TENM2: variants seen among roughly 807,000 people sequenced by gnomAD.
TENM2 encodes the protein teneurin transmembrane protein 2.
TENM2 carries 52 observed loss-of-function variants against 245.2 expected under a neutral mutation model. That is an observed-to-expected ratio of 0.21 (90% CI 0.17 to 0.27). The LOEUF (loss-of-function observed/expected upper bound fraction) is 0.27, where lower values mean the gene tolerates loss of function less well. Ranked by LOEUF, TENM2 falls within the 10% of genes least tolerant of loss-of-function variation. The pLI is 1.00. For synonymous variants in TENM2, 1,363 were observed against 1,438.9 expected (o/e 0.95, Z 1.19); for missense variants, 3,046 against 3,666.8 (o/e 0.83, Z 4.37).
In TENM2 at chr5:167,607,021, C is replaced by T. The variant is rs186938572; in HGVS notation, c.502+231548C>T. On this transcript the variant is annotated intron_variant, in intron 2 of 28. Coordinates refer to ENST00000518659, the Ensembl canonical transcript of TENM2. ...TGCTCTCCTGAATATATCAGGAAGGCAATCCAGCAAGAGGGCATAGCTTAA... is the reference window on the plus strand; with the variant it reads ...TGCTCTCCTGAATATATCAGGAAGGTAATCCAGCAAGAGGGCATAGCTTAA... Among the ~76,000 whole-genome samples the T allele has an allele frequency of 8.7e-4, 132 of 152,158 alleles. 2 individuals carry two copies. In the South Asian group the frequency reaches 0.011, roughly 12 times the overall value.
chr5:167,321,642 A>G (rs934238916), intron 1 of TENM2, among the ~76,000 whole-genome samples: 1 of 152,112 alleles, frequency 6.6e-6, no homozygotes, highest in Non-Finnish European at 1.5e-5. Context: ...TGGGGCAGCC[A>G]AAATATCCAT....
Position 167,430,612 on chromosome 5 carries a change from G to A in TENM2, c.502+55139G>A, listed in dbSNP as rs530829934. Reference sequence around the variant, plus strand: ...ACTAGAATAACCAGAGAGAATGGGAGGTGGTGCAGCCTATTAAGTGGCCCC... The same window carrying A: ...ACTAGAATAACCAGAGAGAATGGGAAGTGGTGCAGCCTATTAAGTGGCCCC... On this transcript the variant is annotated intron_variant, in intron 2 of 28. Coordinates refer to ENST00000518659, the Ensembl canonical transcript of TENM2. Among the ~76,000 whole-genome samples the A allele has an allele frequency of 2.2e-3, 341 of 152,322 alleles. 1 individual carries two copies. Among genetic ancestry groups the A allele is most frequent in the African/African-American group, 7.6e-3 (317 of 41,558 alleles).
the TENM2 span, among the ~76,000 whole-genome samples, chr5:167,150,201 C>G: frequency 1.3e-5 from 2 of 152,178 alleles, no homozygotes; most frequent in African/African-American, 4.8e-5. Context: ...CTACTCATTT[C>G]TCATCCTGTC....
intron 2 of TENM2, among the ~76,000 whole-genome samples, chr5:167,539,506 T>C (rs1410059331): frequency 6.6e-6 from 1 of 152,172 alleles, no homozygotes; most frequent in African/African-American, 2.4e-5. Flanking sequence ...TATTTTCCAT[T>C]CTGTTAAGTT....
chr5:168,200,181 T>G, intron 17 of TENM2, 50 bp downstream of exon 19: 1 of 1,537,080 alleles, frequency 6.5e-7, no homozygotes, highest in South Asian at 1.2e-5. Flanking sequence ...AGTCATGTGT[T>G]AATTCGACCC....
At chr5:167,464,244 TAGAGAG>T (rs373765222) in intron 2 of TENM2, among the ~76,000 whole-genome samples, 1 of 150,726 alleles carries the variant, frequency 6.6e-6, no homozygotes, top group Admixed American at 6.6e-5. Context: ...AAAGATGCTT[TAGAGAG>T]AGAGAGAGAG....
chr5:167,475,196 A>G (rs1305029920), intron 2 of TENM2, among the ~76,000 whole-genome samples: 1 of 152,200 alleles, frequency 6.6e-6, no homozygotes, highest in African/African-American at 2.4e-5. Context: ...AAAATTATTG[A>G]ATAATACCTT....
At chr5:167,459,533 C>A (rs892570879) in intron 2 of TENM2, among the ~76,000 whole-genome samples, 3 of 152,118 alleles carry the variant, frequency 2.0e-5, no homozygotes, top group Non-Finnish European at 4.4e-5. Context: ...ATTACCAGAC[C>A]ATATGTTATC....
intron 10 of TENM2, among the ~76,000 whole-genome samples, chr5:168,120,276 T>C (rs563703054): frequency 6.6e-6 from 1 of 152,332 alleles, no homozygotes; most frequent in Admixed American, 6.5e-5. Flanking sequence ...AGCCTCCCTA[T>C]GTCTGCATCA....
intron 2 of TENM2, among the ~76,000 whole-genome samples, chr5:167,575,325 G>A (rs1774571014): frequency 6.6e-6 from 1 of 152,098 alleles, no homozygotes; most frequent in African/African-American, 2.4e-5. Flanking sequence ...ATATATACAA[G>A]GGTGACTTCA....
At chr5:167,978,552 C>G (rs1477854638) in intron 4 of TENM2, among the ~76,000 whole-genome samples, 1 of 152,116 alleles carries the variant, frequency 6.6e-6, no homozygotes, top group Non-Finnish European at 1.5e-5. Flanking sequence ...GTCCATTTAT[C>G]TGACATATCC....
At chr5:167,002,989 T>TA in the TENM2 span, among the ~76,000 whole-genome samples, 1 of 151,948 alleles carries the variant, frequency 6.6e-6, no homozygotes, top group Non-Finnish European at 1.5e-5. Context: ...TTTTTTTTCA[T>TA]AAAACCCTCT....
At chr5:167,206,230 G>A in the TENM2 span, among the ~76,000 whole-genome samples, 2 of 152,048 alleles carry the variant, frequency 1.3e-5, no homozygotes, top group African/African-American at 4.8e-5. Context: ...TCATTCCTGA[G>A]GCCTCCAAAA....
chr5:167,033,633 C>T, the TENM2 span, among the ~76,000 whole-genome samples: 1 of 152,152 alleles, frequency 6.6e-6, no homozygotes, highest in Non-Finnish European at 1.5e-5. Context: ...TAATTTTGTA[C>T]AGTCGCTTCC....
chr5:168,199,712 T>C (rs888484534), intron 16 of TENM2, among the ~76,000 whole-genome samples, 152 bp from the exon 19 acceptor site: 1 of 152,222 alleles, frequency 6.6e-6, no homozygotes, highest in African/African-American at 2.4e-5. Context: ...TTGTTGTTGT[T>C]GTTTTTCTTT....
At chr5:167,624,977 T>A (rs1225915776) in intron 2 of TENM2, among the ~76,000 whole-genome samples, 1 of 152,210 alleles carries the variant, frequency 6.6e-6, no homozygotes, top group African/African-American at 2.4e-5. Flanking sequence ...GTCCACTTCC[T>A]CTTCTTTAAT....
At chr5:167,088,356 G>A in the TENM2 span, among the ~76,000 whole-genome samples, 1 of 152,084 alleles carries the variant, frequency 6.6e-6, no homozygotes, top group East Asian at 1.9e-4. Context: ...TTCGGGCGCG[G>A]TGACTCATGC....
At chr5:167,251,542 C>T in the TENM2 span, among the ~76,000 whole-genome samples, 1 of 152,144 alleles carries the variant, frequency 6.6e-6, no homozygotes, top group Non-Finnish European at 1.5e-5. Flanking sequence ...GGAGAGCAAG[C>T]ACAAGCTAAG....
intron 2 of TENM2, among the ~76,000 whole-genome samples, chr5:167,532,795 CAT>C (rs1175471398): frequency 1.5e-5 from 2 of 137,278 alleles, no homozygotes; most frequent in Admixed American, 1.6e-4. Flanking sequence ...CACATATACA[CAT>C]ATATATTTGT....
Sources: allele counts gnomAD v4.1 joint callset (sites outside exome capture counted in the v4.1 genomes callset), GRCh38; gene constraint gnomAD v4.1.1; transcripts MANE v1.5; gene names NCBI Gene and HGNC (gene_info 2026-07-23, HGNC 2026-07-21).